ANKRD29: variants seen among roughly 807,000 people sequenced by gnomAD.
The protein encoded by ANKRD29 is ankyrin repeat domain 29.
Under a neutral mutation model 38.0 loss-of-function variants are expected in ANKRD29, and 32 were observed. The observed-to-expected ratio is 0.84, with a 90% confidence interval of 0.64 to 1.13. ANKRD29 has a LOEUF of 1.13. Among genes scored for constraint, ANKRD29 ranks in the 50% most tolerant of loss-of-function variants. ANKRD29 has a pLI of 0.00. For missense variants in ANKRD29, 357 were observed against 377.9 expected (o/e 0.94, Z 0.46); for synonymous variants, 135 against 152.4 (o/e 0.89, Z 0.84).
chr18:23,611,971 G>C, intron 9 of ANKRD29, 121 bp downstream of exon 9: 2 of 823,862 alleles, frequency 2.4e-6, no homozygotes, highest in Non-Finnish European at 3.8e-6. Context: ...CAGCAACCTT[G>C]AATGCCCTTA....
chr18:23,615,467 T>G (rs920178997), intron 8 of ANKRD29, among the ~76,000 whole-genome samples: 1 of 152,134 alleles, frequency 6.6e-6, no homozygotes, highest in African/African-American at 2.4e-5. Flanking sequence ...TCACCTAGGC[T>G]GCAGTGCAGT....
chr18:23,622,003 A>G (rs756683145), intron 6 of ANKRD29, among the ~76,000 whole-genome samples: 9 of 152,102 alleles, frequency 5.9e-5, no homozygotes, highest in African/African-American at 1.4e-4. Flanking sequence ...AGTGCTAAAA[A>G]TAAGTCCTGG....
intron 1 of ANKRD29, among the ~76,000 whole-genome samples, chr18:23,660,296 G>T (rs1568059878): frequency 6.6e-6 from 1 of 152,122 alleles, no homozygotes. Flanking sequence ...CCAAGACCAT[G>T]GCTAATAATG....
intron 1 of ANKRD29, among the ~76,000 whole-genome samples, chr18:23,650,393 C>G (rs1302150064): frequency 6.6e-6 from 1 of 152,150 alleles, no homozygotes; most frequent in African/African-American, 2.4e-5. Flanking sequence ...ATCTACCCAC[C>G]TCAGCCTCCC....
intron 5 of ANKRD29, among the ~76,000 whole-genome samples, chr18:23,631,876 A>G (rs924015736): frequency 1.3e-5 from 2 of 152,198 alleles, no homozygotes; most frequent in African/African-American, 4.8e-5. Flanking sequence ...CTTCAGCCTG[A>G]CAACATTCGC....
chr18:23,600,351 G>A lies in ANKRD29; in HGVS notation c.*875C>T, dbSNP rs934244834. ...TCAAAGTCATTCTATCAAGCAGCAC[G>A]GTGTTGGAAACTCAAGATTCCACAG... On this transcript the variant is annotated 3_prime_UTR_variant, in exon 10 of 10. Coordinates refer to ENST00000592179, the MANE Select transcript of ANKRD29 (RefSeq NM_173505.4). The A allele has an allele frequency of 5.3e-5, 8 of 152,130 alleles. No individual in the cohort carries two copies. The highest frequency in any genetic ancestry group is 1.2e-4 in the Non-Finnish European group (8 of 68,030). The allele number at this position is 152,130 out of a possible 1,614,324, so 9.4% of individuals were successfully genotyped here. A position where few individuals can be genotyped will look rare whatever the true frequency, so the allele number is the denominator to read the frequency against.
intron 1 of ANKRD29, among the ~76,000 whole-genome samples, chr18:23,657,444 A>T (rs558759278): frequency 6.6e-6 from 1 of 152,166 alleles, no homozygotes; most frequent in Non-Finnish European, 1.5e-5. Flanking sequence ...AAAAATACTT[A>T]AAAAAATTGA....
chr18:23,624,466 C>CAAAAAAAAAAAAAAAAAGAAAAAAAAA (rs2059835488), intron 6 of ANKRD29, among the ~76,000 whole-genome samples: 1 of 32,436 alleles, frequency 3.1e-5, no homozygotes, highest in Non-Finnish European at 6.9e-5. Flanking sequence ...GACTCCATCT[C>CAAAAAAAAAAAAAAAAAGAAAAAAAAA]AAAAAAAAAA....
In ANKRD29 at chr18:23,617,735, C is replaced by T. The variant is rs1490615554; in HGVS notation, c.720G>A (p.Leu240=). ...AAAATTTATCTTTAGGTCTTACCTT[C>T]AAAATACCAAGAGTGGGTGAGAATT... ...LLKFSPTLGI[L]KNGTSALHAA... Residue 240 remains leucine, a synonymous_variant, in exon 8 of 10, where the codon TTG becomes TTA. Transcript: ENST00000592179. 2 of 1,613,116 alleles carry T rather than the reference C, an allele frequency of 1.2e-6. No individual in the cohort carries two copies. Among genetic ancestry groups the T allele is most frequent in the Non-Finnish European group, 1.7e-6 (2 of 1,179,166 alleles).
At position 23,619,634 on chromosome 18, in the gene ANKRD29, G is replaced by T. The variant is rs1377057457; in HGVS notation, c.529-5C>A. 1 of 1,558,328 alleles carries T rather than the reference G, an allele frequency of 6.4e-7. No homozygotes were observed. On this transcript the variant is annotated splice_polypyrimidine_tract_variant and splice_region_variant and intron_variant, in intron 6 of 9. Transcript: ENST00000592179. ...CCACAGGGGCGCTGTCCCGTCCTGC[G>T]GGAAGAGGAGGCGGCGGCCGCCGTG... is the stretch of plus-strand genomic sequence containing the variant.
At chr18:23,640,838 T>A (rs1405536683) in intron 3 of ANKRD29, among the ~76,000 whole-genome samples, 2 of 152,204 alleles carry the variant, frequency 1.3e-5, no homozygotes, top group African/African-American at 4.8e-5. Context: ...AAATCCCTTT[T>A]TCCATAGTTT....
intron 6 of ANKRD29, among the ~76,000 whole-genome samples, chr18:23,628,414 A>C (rs11662113): frequency 0.61 from 93,487 of 152,032 alleles, 30,060 homozygotes; most frequent in Admixed American, 0.72. Context: ...ATGTGAACAC[A>C]GAGAGGCATT....
intron 6 of ANKRD29, 110 bp from the exon 7 acceptor site, chr18:23,619,739 C>G: frequency 1.2e-6 from 1 of 860,098 alleles, no homozygotes; most frequent in Non-Finnish European, 1.7e-6. Context: ...GGAAGGCACT[C>G]CCTGACCGCA....
intron 6 of ANKRD29, among the ~76,000 whole-genome samples, chr18:23,624,838 C>G (rs1460418474): frequency 1.3e-5 from 2 of 152,156 alleles, no homozygotes; most frequent in African/African-American, 4.8e-5. Context: ...CTGTTATTCC[C>G]TCATTTCATT....
intron 1 of ANKRD29, among the ~76,000 whole-genome samples, chr18:23,656,047 C>T (rs1479372403): frequency 2.0e-5 from 3 of 149,144 alleles, no homozygotes; most frequent in Non-Finnish European, 3.0e-5. Flanking sequence ...GAGCCGAGAT[C>T]CCGCCACTGC....
At chr18:23,633,207 A>G (rs1470196067) in intron 5 of ANKRD29, among the ~76,000 whole-genome samples, 1 of 152,228 alleles carries the variant, frequency 6.6e-6, no homozygotes, top group African/African-American at 2.4e-5. Context: ...ACTAATTGAC[A>G]GTTAGCTGCA....
intron 9 of ANKRD29, among the ~76,000 whole-genome samples, chr18:23,609,636 C>T (rs1156950080): frequency 1.3e-5 from 2 of 152,186 alleles, no homozygotes; most frequent in Non-Finnish European, 2.9e-5. Context: ...TACTCATAAC[C>T]ATTATTGTTG....
intron 9 of ANKRD29, among the ~76,000 whole-genome samples, chr18:23,605,947 C>T (rs1011288726): frequency 6.6e-6 from 1 of 152,148 alleles, no homozygotes; most frequent in East Asian, 1.9e-4. Context: ...GAGTAATTTA[C>T]AAAATTTGTA....
intron 1 of ANKRD29, among the ~76,000 whole-genome samples, chr18:23,651,315 G>T (rs2060208350): frequency 1.3e-5 from 2 of 152,202 alleles, no homozygotes; most frequent in African/African-American, 4.8e-5. Flanking sequence ...TGTAAATTTT[G>T]CTATCCTGGA....
Sources: gnomAD v4.1 joint callset for allele counts (sites outside exome capture counted in the v4.1 genomes callset) on GRCh38, gnomAD v4.1.1 for gene constraint, MANE v1.5 for transcripts, NCBI Gene and HGNC (gene_info 2026-07-23, HGNC 2026-07-21) for gene names.